Variants in TDRD5 observed in about 807,000 individuals in gnomAD.
The protein encoded by TDRD5 is tudor domain-containing protein 5.
A neutral mutation model predicts 120.6 loss-of-function variants in TDRD5; 41 were observed. The observed-to-expected ratio is 0.34, with a 90% CI of 0.26 to 0.44. The LOEUF (loss-of-function observed/expected upper bound fraction) is 0.44, where lower values mean the gene tolerates loss of function less well. TDRD5 is among the 20% of genes least tolerant of loss of function. TDRD5 has a pLI of 1.00. For missense variants in TDRD5, 1,006 were observed against 1,221.2 expected (o/e 0.82, Z 2.63); for synonymous variants, 430 against 433.7 (o/e 0.99, Z 0.11).
At chr1:179,646,244 C>G (rs1678355109) in intron 11 of TDRD5, among the ~76,000 whole-genome samples, 1 of 152,138 alleles carries the variant, frequency 6.6e-6, no homozygotes, top group Non-Finnish European at 1.5e-5. Flanking sequence ...AATGCAAGGA[C>G]ATTAGAGCAC....
At chr1:179,623,707 T>A (rs1676969026) in intron 6 of TDRD5, among the ~76,000 whole-genome samples, 1 of 149,332 alleles carries the variant, frequency 6.7e-6, no homozygotes, top group Non-Finnish European at 1.5e-5. Context: ...GATCTTGGGT[T>A]ACTGCAGCCT....
At chr1:179,663,530 A>G in intron 16 of TDRD5, 39 bp downstream of exon 16, 1 of 1,557,654 alleles carries the variant, frequency 6.4e-7, no homozygotes, top group South Asian at 1.2e-5. Context: ...AGGTTTGCAT[A>G]AGGAAGTCCT....
At chr1:179,631,937 T>TA (rs1572372293) in intron 7 of TDRD5, among the ~76,000 whole-genome samples, 1 of 150,112 alleles carries the variant, frequency 6.7e-6, no homozygotes, top group Admixed American at 6.7e-5. Flanking sequence ...GATAGATTCT[T>TA]ACGCTGTCCC....
intron 17 of TDRD5, among the ~76,000 whole-genome samples, chr1:179,687,173 G>A (rs76625848): frequency 0.28 from 42,777 of 151,908 alleles, 6,227 homozygotes; most frequent in East Asian, 0.41. Context: ...TTCTCTTGTG[G>A]GCATTTAGTG....
chr1:179,615,307 AT>A lies in TDRD5; in HGVS notation c.832-3287del, dbSNP rs1391217373. Reference sequence around the variant, plus strand: ...CTATTTGTTGAATGAGTAAGTGGGTATTTTTAAAATTTTATAATTTGATGGG... The same window carrying A: ...CTATTTGTTGAATGAGTAAGTGGGTATTTTAAAATTTTATAATTTGATGGG... On this transcript the variant is annotated intron_variant, in intron 4 of 17. Transcript: ENST00000444136. 2.0e-5 allele frequency among the ~76,000 whole-genome samples: 3 copies of A among 152,228 alleles called. No individual in the cohort carries two copies. In the East Asian group the frequency reaches 5.8e-4, roughly 29 times the overall value.
intron 11 of TDRD5, among the ~76,000 whole-genome samples, chr1:179,642,633 CTTGT>C (rs1232274816): frequency 6.6e-5 from 10 of 152,120 alleles, no homozygotes; most frequent in African/African-American, 2.2e-4. Context: ...CTGATATTGT[CTTGT>C]TTGTTTGTGC....
At chr1:179,680,051 T>G (rs1385885468) in intron 17 of TDRD5, among the ~76,000 whole-genome samples, 1 of 152,174 alleles carries the variant, frequency 6.6e-6, no homozygotes, top group African/African-American at 2.4e-5. Context: ...ATTTCCCTTG[T>G]GAATTTTCTT....
At chr1:179,653,663 G>T (rs1020269686) in intron 13 of TDRD5, among the ~76,000 whole-genome samples, 1 of 152,124 alleles carries the variant, frequency 6.6e-6, no homozygotes, top group African/African-American at 2.4e-5. Context: ...TTCTGGAAAT[G>T]AAATAAGAAC....
chr1:179,621,116 C>A (rs781428948), intron 6 of TDRD5, 25 bp downstream of exon 6: 1 of 1,579,450 alleles, frequency 6.3e-7, no homozygotes, highest in Non-Finnish European at 8.6e-7. Context: ...TTTCCCCAAC[C>A]CTAATTTTTT....
Position 179,618,640 on chromosome 1 carries a change from T to C in TDRD5, c.873T>C (p.Pro291=). ...TFKSVIAQIG[P]GGTISSELKH... ...AATCAGTTATTGCACAGATTGGACC[T>C]GGAGGAACTATCAGTTCAGAACTAA... The change falls in exon 5 of 18, where the codon CCT becomes CCC. Residue 291 remains proline (P), a synonymous_variant. Transcript: ENST00000444136. 6.3e-7 allele frequency: 1 copy of C among 1,599,796 alleles called. No individual in the cohort carries two copies. Among genetic ancestry groups the C allele is most frequent in the African/African-American group, 1.3e-5 (1 of 74,130 alleles).
chr1:179,659,847 G>A (rs1007589248), intron 14 of TDRD5, among the ~76,000 whole-genome samples: 4 of 151,316 alleles, frequency 2.6e-5, no homozygotes, highest in African/African-American at 7.3e-5. Flanking sequence ...ACAGGTGTGC[G>A]CCCCATGCCC....
At chr1:179,681,772 G>T (rs78180312) in intron 17 of TDRD5, among the ~76,000 whole-genome samples, 4,115 of 148,796 alleles carry the variant, frequency 0.028, 159 homozygotes, top group African/African-American at 0.095. Flanking sequence ...CCGTTTTCTT[G>T]TAACTGTAGT....
At chr1:179,640,195 G>T (rs368634757) in intron 10 of TDRD5, 144 bp downstream of exon 10, 1 of 1,077,692 alleles carries the variant, frequency 9.3e-7, no homozygotes, top group Admixed American at 2.2e-5. Context: ...TTGACAACTG[G>T]GTCATTTCAT....
intron 11 of TDRD5, among the ~76,000 whole-genome samples, chr1:179,645,176 C>T (rs1256733605): frequency 2.0e-5 from 3 of 147,118 alleles, no homozygotes; most frequent in African/African-American, 7.5e-5. Flanking sequence ...AGCTCCGCCT[C>T]CCGGGTTCAC....
chr1:179,670,631 A>G (rs1203358691), intron 17 of TDRD5, among the ~76,000 whole-genome samples: 3 of 152,150 alleles, frequency 2.0e-5, no homozygotes, highest in Admixed American at 6.5e-5. Flanking sequence ...ATATTATTGT[A>G]GTTTTAATTT....
chr1:179,593,627 G>C lies in TDRD5; in HGVS notation c.400G>C (p.Val134Leu). 6.2e-7 allele frequency: 1 copy of C among 1,614,250 alleles called. No individual in the cohort carries two copies. Among genetic ancestry groups the C allele is most frequent in the Non-Finnish European group, 8.5e-7 (1 of 1,180,034 alleles). ...AAGGGTTGCCCCTATTCTTCCAGCTGTTGTGAAGAGTGAGTTGAAGGACCT... is the reference window on the plus strand; with the variant it reads ...AAGGGTTGCCCCTATTCTTCCAGCTCTTGTGAAGAGTGAGTTGAAGGACCT... Reference protein sequence around the residue: ...RGRVAPILPAVVKSELKDLLA... With the variant: ...RGRVAPILPALVKSELKDLLA... Residue 134 changes from valine to leucine, a missense_variant, in exon 3 of 18, where the codon GTT (valine) becomes CTT (leucine). Coordinates refer to ENST00000444136, the MANE Select transcript of TDRD5 (RefSeq NM_001199085.3).
In TDRD5 at chr1:179,640,054, G is replaced by A. The variant is rs1432465245; in HGVS notation, c.1733+3G>A. 1 of 1,613,530 alleles carries A rather than the reference G, an allele frequency of 6.2e-7. No individual in the cohort carries two copies. The highest frequency in any genetic ancestry group is 8.5e-7 in the Non-Finnish European group (1 of 1,179,698). On this transcript the variant is annotated splice_donor_region_variant and intron_variant, in intron 10 of 17. Transcript: ENST00000444136. Reference sequence around the variant, plus strand: ...AAGTCCTCCCTGAGGTTCCTCAAGTGAGTTGAATTGAATTAGAACAATGGA... The same window carrying A: ...AAGTCCTCCCTGAGGTTCCTCAAGTAAGTTGAATTGAATTAGAACAATGGA...
intron 17 of TDRD5, among the ~76,000 whole-genome samples, chr1:179,671,719 G>GT (rs1210089856): frequency 2.6e-5 from 4 of 152,090 alleles, no homozygotes; most frequent in Admixed American, 6.6e-5. Flanking sequence ...CCAATGTGTA[G>GT]TTTTTTATCC....
intron 4 of TDRD5, among the ~76,000 whole-genome samples, chr1:179,617,842 C>T (rs986985166): frequency 4.6e-5 from 7 of 152,100 alleles, no homozygotes; most frequent in African/African-American, 7.2e-5. Context: ...CTCTGTATGC[C>T]ATTGACTTCT....
Sources: gnomAD v4.1 joint callset for allele counts (sites outside exome capture counted in the v4.1 genomes callset) on GRCh38, gnomAD v4.1.1 for gene constraint, MANE v1.5 for transcripts, NCBI Gene and HGNC (gene_info 2026-07-23, HGNC 2026-07-21) for gene names.